Variants in GRIP1 observed in about 807,000 individuals in gnomAD.
The protein encoded by GRIP1 is glutamate receptor interacting protein 1, also known as glutamate receptor-interacting protein 1.
GRIP1 carries 45 observed loss-of-function variants against 129.9 expected under a neutral mutation model. The ratio of observed to expected loss-of-function variants is 0.35; its 90% CI spans 0.27 to 0.44. GRIP1 has a LOEUF of 0.44. Among genes scored for constraint, GRIP1 ranks in the 20% least tolerant of loss-of-function variants. The probability of loss-of-function intolerance (pLI) is 1.00; values close to 1 mark genes in which losing one functional copy is unlikely to be tolerated. For synonymous variants in GRIP1, 530 were observed against 520.8 expected (o/e 1.02, Z -0.24); for missense variants, 1,196 against 1,396.8 (o/e 0.86, Z 2.29).
chr12:66,474,012 G>C (rs999428089), intron 7 of GRIP1, among the ~76,000 whole-genome samples: 1 of 152,100 alleles, frequency 6.6e-6, no homozygotes, highest in African/African-American at 2.4e-5. Flanking sequence ...GGCTTCAGAA[G>C]ATGGGTAATA....
chr12:66,773,650 T>C (rs1008198030), intron 1 of GRIP1, among the ~76,000 whole-genome samples: 1 of 152,134 alleles, frequency 6.6e-6, no homozygotes, highest in African/African-American at 2.4e-5. Context: ...GGCATGTGTA[T>C]ACCTATGTAA....
At chr12:66,863,787 T>C (rs904640421) in intron 1 of GRIP1, among the ~76,000 whole-genome samples, 12 of 152,086 alleles carry the variant, frequency 7.9e-5, no homozygotes, top group African/African-American at 1.9e-4. Context: ...TCGATAATTT[T>C]ATAAAATGCA....
At chr12:66,674,744 G>T (rs2136248965) in intron 1 of GRIP1, among the ~76,000 whole-genome samples, 1 of 152,232 alleles carries the variant, frequency 6.6e-6, no homozygotes, top group Middle Eastern at 3.4e-3. Flanking sequence ...AAGGAACAAT[G>T]ACTGAAAAAA....
At chr12:66,491,881 C>T (rs2138675344) in intron 7 of GRIP1, among the ~76,000 whole-genome samples, 1 of 152,200 alleles carries the variant, frequency 6.6e-6, no homozygotes, top group South Asian at 2.1e-4. Flanking sequence ...CATCACATTC[C>T]CTATCATCAT....
chr12:66,542,637 T>C (rs189246615), intron 2 of GRIP1, among the ~76,000 whole-genome samples: 285 of 152,340 alleles, frequency 1.9e-3, no homozygotes, highest in African/African-American at 6.6e-3. Context: ...AATATCTATA[T>C]AGCAAGATAG....
chr12:66,826,043 G>A (rs1432715860), intron 1 of GRIP1, among the ~76,000 whole-genome samples: 2 of 152,096 alleles, frequency 1.3e-5, no homozygotes, highest in Non-Finnish European at 2.9e-5. Context: ...CAATAGCAAA[G>A]ACTTGGAACC....
chr12:66,419,629 T>C (rs1156833263), intron 15 of GRIP1, among the ~76,000 whole-genome samples: 1 of 152,210 alleles, frequency 6.6e-6, no homozygotes, highest in Non-Finnish European at 1.5e-5. Flanking sequence ...ACTGACAAGC[T>C]GCTGGGATGG....
chr12:66,920,034 T>C (rs965246782), intron 1 of GRIP1, among the ~76,000 whole-genome samples: 4 of 152,100 alleles, frequency 2.6e-5, no homozygotes, highest in African/African-American at 4.8e-5. Flanking sequence ...CAATAGAATA[T>C]TTAAAGGTAT....
intron 1 of GRIP1, among the ~76,000 whole-genome samples, chr12:66,979,343 G>GA (rs1006535932): frequency 4.0e-4 from 55 of 137,004 alleles, no homozygotes; most frequent in African/African-American, 6.5e-4. Flanking sequence ...TTGGCAAGGT[G>GA]AAAAAAAAAA....
At chr12:66,575,513 C>T (rs1265991080) in intron 2 of GRIP1, among the ~76,000 whole-genome samples, 1 of 152,144 alleles carries the variant, frequency 6.6e-6, no homozygotes, top group Non-Finnish European at 1.5e-5. Context: ...ACTCCTAAAA[C>T]TTTCTTTCCT....
chr12:66,434,475 T>G (rs575712597), intron 13 of GRIP1, among the ~76,000 whole-genome samples: 125 of 152,346 alleles, frequency 8.2e-4, no homozygotes, highest in Middle Eastern at 3.4e-3. Flanking sequence ...ACTAAGAATT[T>G]GTATCCTTTC....
At chr12:66,474,206 T>C (rs1464586175) in intron 7 of GRIP1, among the ~76,000 whole-genome samples, 3 of 151,800 alleles carry the variant, frequency 2.0e-5, no homozygotes, top group African/African-American at 4.8e-5. Flanking sequence ...ATAGCCAAAC[T>C]GATCAAGCAG....
At chr12:66,827,117 A>G (rs2137004201) in intron 1 of GRIP1, among the ~76,000 whole-genome samples, 1 of 152,248 alleles carries the variant, frequency 6.6e-6, no homozygotes. Context: ...TTACAACTAT[A>G]CACATTAATT....
intron 1 of GRIP1, among the ~76,000 whole-genome samples, chr12:67,029,763 T>G (rs1263425887): frequency 6.6e-6 from 1 of 152,078 alleles, no homozygotes; most frequent in African/African-American, 2.4e-5. Flanking sequence ...ATGGAAACCT[T>G]AACTAGTGAT....
intron 1 of GRIP1, among the ~76,000 whole-genome samples, chr12:66,850,022 T>A (rs2039883041): frequency 6.6e-6 from 1 of 152,162 alleles, no homozygotes; most frequent in African/African-American, 2.4e-5. Flanking sequence ...CCAGAAAATA[T>A]TCTTAAGTCC....
chr12:66,833,309 G>A (rs7300505), intron 1 of GRIP1, among the ~76,000 whole-genome samples: 40,898 of 152,076 alleles, frequency 0.27, 6,324 homozygotes, highest in Non-Finnish European at 0.35. Flanking sequence ...ATAAGCATGA[G>A]GTTGAATTTG....
intron 1 of GRIP1, among the ~76,000 whole-genome samples, chr12:66,867,819 G>A (rs1389563903): frequency 6.6e-6 from 1 of 152,130 alleles, no homozygotes; most frequent in Non-Finnish European, 1.5e-5. Flanking sequence ...AGGGTTATGA[G>A]TGAGTCATAT....
At chr12:66,565,518 T>G (rs886082309) in intron 2 of GRIP1, among the ~76,000 whole-genome samples, 3 of 152,210 alleles carry the variant, frequency 2.0e-5, no homozygotes, top group Non-Finnish European at 4.4e-5. Context: ...GCTGTTTTGG[T>G]TACTGTAGCC....
intron 1 of GRIP1, among the ~76,000 whole-genome samples, chr12:66,612,896 T>G (rs1592647230): frequency 6.6e-6 from 1 of 152,114 alleles, no homozygotes; most frequent in East Asian, 1.9e-4. Context: ...AAATGAAGAT[T>G]TTTAAAAGAA....
Sources: allele counts gnomAD v4.1 joint callset (sites outside exome capture counted in the v4.1 genomes callset), GRCh38; gene constraint gnomAD v4.1.1; transcripts MANE v1.5; gene names NCBI Gene and HGNC (gene_info 2026-07-23, HGNC 2026-07-21).